Variants in CFAP54 observed in about 807,000 individuals in gnomAD.
The protein encoded by CFAP54 is cilia and flagella associated protein 54.
Under a neutral mutation model 370.4 loss-of-function variants are expected in CFAP54, and 290 were observed. That is an observed-to-expected ratio of 0.78 (90% CI 0.71 to 0.86). CFAP54 has a LOEUF of 0.86. CFAP54 is among the 40% of genes least tolerant of loss of function. The pLI is 0.00. For missense variants in CFAP54, 3,399 were observed against 3,528.7 expected, an observed-to-expected ratio of 0.96 and a Z score of 0.93; for synonymous variants, 1,206 against 1,236.5, an observed-to-expected ratio of 0.98 and a Z score of 0.52.
intron 50 of CFAP54, among the ~76,000 whole-genome samples, chr12:96,727,769 T>C (rs1957861532): frequency 6.6e-6 from 1 of 151,980 alleles, no homozygotes; most frequent in Non-Finnish European, 1.5e-5. Flanking sequence ...TTCTTCCTAG[T>C]CTCGATGGTC....
At chr12:96,835,602 A>G (rs925500404) in intron 66 of CFAP54, among the ~76,000 whole-genome samples, 1 of 152,178 alleles carries the variant, frequency 6.6e-6, no homozygotes, top group African/African-American at 2.4e-5. Flanking sequence ...TGCCAACAGC[A>G]AGGAGAAGCC....
chr12:96,741,040 T>C (rs1958045252), intron 51 of CFAP54, among the ~76,000 whole-genome samples: 1 of 152,210 alleles, frequency 6.6e-6, no homozygotes, highest in Non-Finnish European at 1.5e-5. Flanking sequence ...GAGCATTGAG[T>C]GATTAAGTTC....
chr12:96,748,336 A>G (rs1456593823), intron 55 of CFAP54, among the ~76,000 whole-genome samples: 1 of 152,024 alleles, frequency 6.6e-6, no homozygotes, highest in Non-Finnish European at 1.5e-5. Context: ...TTTCCTTTAA[A>G]CTAGTTCTTT....
At chr12:96,582,767 C>A (rs1478627528) in intron 22 of CFAP54, among the ~76,000 whole-genome samples, 1 of 151,982 alleles carries the variant, frequency 6.6e-6, no homozygotes, top group Non-Finnish European at 1.5e-5. Flanking sequence ...GAAGTAATGA[C>A]CTGTGTTTCT....
At chr12:96,587,740 C>G (rs1257361364) in intron 22 of CFAP54, among the ~76,000 whole-genome samples, 1 of 152,184 alleles carries the variant, frequency 6.6e-6, no homozygotes, top group Admixed American at 6.5e-5. Flanking sequence ...TACACATCAT[C>G]TATTGCTTAC....
chr12:96,694,505 GCA>G (rs199786805), intron 45 of CFAP54, among the ~76,000 whole-genome samples: 7 of 150,524 alleles, frequency 4.7e-5, no homozygotes, highest in African/African-American at 7.3e-5. Context: ...ACACACACGC[GCA>G]CACACACACA....
At chr12:96,530,506 T>G (rs1341236650) in intron 9 of CFAP54, among the ~76,000 whole-genome samples, 1 of 152,110 alleles carries the variant, frequency 6.6e-6, no homozygotes, top group African/African-American at 2.4e-5. Context: ...AAAAAAATTT[T>G]TTTTCACTTG....
chr12:96,838,042 C>T (rs954186103), intron 66 of CFAP54, among the ~76,000 whole-genome samples: 1 of 152,118 alleles, frequency 6.6e-6, no homozygotes, highest in Non-Finnish European at 1.5e-5. Context: ...TCTTATGGCC[C>T]ATAATTACAA....
chr12:96,697,953 G>A (rs528434293), intron 45 of CFAP54, among the ~76,000 whole-genome samples: 5 of 152,182 alleles, frequency 3.3e-5, no homozygotes, highest in African/African-American at 4.8e-5. Context: ...GAGTTCTGCC[G>A]TATGGCCTCT....
At chr12:96,677,533 A>G (rs1283212908) in intron 39 of CFAP54, among the ~76,000 whole-genome samples, 1 of 152,150 alleles carries the variant, frequency 6.6e-6, no homozygotes, top group African/African-American at 2.4e-5. Context: ...CATGAGGAGT[A>G]GGAGGTCTGC....
intron 39 of CFAP54, among the ~76,000 whole-genome samples, chr12:96,664,725 CTATATA>C (rs199537312): frequency 0.14 from 10,460 of 72,416 alleles, 1,130 homozygotes; most frequent in Middle Eastern, 0.24. Context: ...CTATATATAT[CTATATA>C]TATATATCTA....
At chr12:96,804,442 A>G (rs1346044957) in intron 63 of CFAP54, among the ~76,000 whole-genome samples, 1 of 152,224 alleles carries the variant, frequency 6.6e-6, no homozygotes, top group Non-Finnish European at 1.5e-5. Flanking sequence ...GCTTCAGTAC[A>G]CAAAAGAAAT....
intron 58 of CFAP54, among the ~76,000 whole-genome samples, chr12:96,761,523 G>GT (rs1437256040): frequency 1.1e-4 from 14 of 128,082 alleles, no homozygotes; most frequent in African/African-American, 2.6e-4. Context: ...TAGATTGTGG[G>GT]GTTTTTTTTG....
In CFAP54 at chr12:96,658,093, A is replaced by C; in HGVS notation, c.5312A>C (p.Asn1771Thr). ...CTAGTATCTCTTGCCATTCAGTTCA[A>C]TACAGTTTCACAGTAAGTACTGCTG... ...ETLVSLAIQF[N>T]TVSHERYTEQ... The change falls in exon 37 of 68, where the codon AAT becomes ACT. Residue 1771 changes from asparagine to threonine, a missense_variant. Transcript: ENST00000524981. 1.2e-6 allele frequency: 2 copies of C among 1,612,834 alleles called. No individual in the cohort carries two copies. The highest frequency in any genetic ancestry group is 8.5e-7 in the Non-Finnish European group (1 of 1,179,184).
At chr12:96,612,683 G>A (rs1393417274) in intron 26 of CFAP54, among the ~76,000 whole-genome samples, 2 of 152,154 alleles carry the variant, frequency 1.3e-5, no homozygotes, top group Non-Finnish European at 2.9e-5. Context: ...CAAAATGAAG[G>A]GATGGAGGAA....
intron 22 of CFAP54, among the ~76,000 whole-genome samples, chr12:96,585,292 C>T (rs1239046765): frequency 1.3e-5 from 2 of 152,172 alleles, no homozygotes; most frequent in Non-Finnish European, 2.9e-5. Context: ...TCCTGTGTAG[C>T]TGGGATTACA....
At chr12:96,615,427 A>G (rs1956404648) in intron 26 of CFAP54, among the ~76,000 whole-genome samples, 1 of 152,252 alleles carries the variant, frequency 6.6e-6, no homozygotes, top group Non-Finnish European at 1.5e-5. Flanking sequence ...AAACCTAGGC[A>G]ATACCATTCA....
intron 19 of CFAP54, among the ~76,000 whole-genome samples, chr12:96,570,297 C>G (rs942181463): frequency 2.0e-5 from 3 of 150,588 alleles, no homozygotes; most frequent in Non-Finnish European, 1.5e-5. Context: ...ATTGTGTGCT[C>G]AAGTCTTTTT....
chr12:96,861,563 T>C (rs1431858713), intron 67 of CFAP54, among the ~76,000 whole-genome samples: 1 of 152,214 alleles, frequency 6.6e-6, no homozygotes, highest in Non-Finnish European at 1.5e-5. Flanking sequence ...AGAGGCAATA[T>C]TGCATAGAAT....
Sources: allele counts gnomAD v4.1 joint callset (sites outside exome capture counted in the v4.1 genomes callset), GRCh38; gene constraint gnomAD v4.1.1; transcripts MANE v1.5; gene names NCBI Gene and HGNC (gene_info 2026-07-23, HGNC 2026-07-21).